NAALAD2: variants seen among roughly 807,000 people sequenced by gnomAD.
The protein encoded by NAALAD2 is N-acetylated-alpha-linked acidic dipeptidase 2.
Under a neutral mutation model 95.6 loss-of-function variants are expected in NAALAD2, and 89 were observed. The observed-to-expected ratio is 0.93, with a 90% CI of 0.78 to 1.11. The LOEUF is 1.11. Among genes scored for constraint, NAALAD2 ranks in the 50% least tolerant of loss-of-function variants. The pLI, the probability that NAALAD2 is intolerant of heterozygous loss-of-function variation, is 0.00. For missense variants in NAALAD2, 894 were observed against 872.4 expected, an observed-to-expected ratio of 1.02 and a Z score of -0.31; for synonymous variants, 264 against 294.4, an observed-to-expected ratio of 0.90 and a Z score of 1.06.
chr11:90,174,688 A>C (rs1952735218), intron 14 of NAALAD2, among the ~76,000 whole-genome samples: 1 of 151,862 alleles, frequency 6.6e-6, no homozygotes, highest in South Asian at 2.1e-4. Context: ...CATCTCATTC[A>C]TGCTACAGCA....
chr11:90,181,718 T>C lies in NAALAD2; in HGVS notation c.1940+17T>C, dbSNP rs755230135. ...TCTTAACAAGTAAGTTTCAAATCCC[T>C]TTTTTTTTAAAAAAAAAAAAAAAAG... is the stretch of plus-strand genomic sequence containing the variant. On this transcript the variant is annotated intron_variant, in intron 17 of 18. Transcript: ENST00000534061. 2.3e-6 allele frequency: 3 copies of C among 1,278,800 alleles called. No individual in the cohort carries two copies. The highest frequency in any genetic ancestry group is 2.3e-5 in the Admixed American group (1 of 42,776). 79.2% of individuals were successfully genotyped at this position (1,278,800 alleles called of 1,614,324 possible).
intron 12 of NAALAD2, 76 bp from the exon 13 acceptor site, chr11:90,169,988 TAGAAA>T: frequency 1.1e-6 from 1 of 890,494 alleles, no homozygotes; most frequent in South Asian, 1.4e-5. Flanking sequence ...TGTTTAAAAT[TAGAAA>T]ATAAAGTTAG....
At chr11:90,173,946 T>C in intron 14 of NAALAD2, 31 bp downstream of exon 14, 1 of 1,395,344 alleles carries the variant, frequency 7.2e-7, no homozygotes, top group Non-Finnish European at 1.0e-6. Context: ...TTTTCTACTG[T>C]AGGATAAGTT....
At position 90,177,939 on chromosome 11, in the gene NAALAD2, T is replaced by TA. The variant is rs1221515108; in HGVS notation, c.1686dup (p.Gln563ThrfsTer14). On this transcript the variant is annotated frameshift_variant, in exon 16 of 19. Transcript: ENST00000534061. LOFTEE classifies it high-confidence loss of function. ...TAGAGAAATTTTATGACCCCACATT[T>TA]AAAAAACAACTTTCTGTGGCTCAAT... 7 of 1,613,988 alleles carry TA rather than the reference T, an allele frequency of 4.3e-6. No individual in the cohort carries two copies. Among genetic ancestry groups the TA allele is most frequent in the Non-Finnish European group, 5.1e-6 (6 of 1,179,960 alleles).
intron 2 of NAALAD2, 101 bp downstream of exon 2, chr11:90,135,771 T>C (rs369155167): frequency 3.4e-6 from 3 of 879,916 alleles, no homozygotes; most frequent in East Asian, 5.5e-5. Context: ...GTCTTCTCTG[T>C]GTGAAATTAC....
At chr11:90,136,327 C>T (rs1405200350) in intron 2 of NAALAD2, among the ~76,000 whole-genome samples, 1 of 152,084 alleles carries the variant, frequency 6.6e-6, no homozygotes, top group East Asian at 1.9e-4. Context: ...TAAACTGCAT[C>T]CCTATAAAGC....
chr11:90,188,909 G>A (rs1681107871), intron 18 of NAALAD2, among the ~76,000 whole-genome samples: 1 of 152,024 alleles, frequency 6.6e-6, no homozygotes. Context: ...GCCTCCCAAA[G>A]ATCTCTATTT....
Position 90,139,721 on chromosome 11 carries a change from A to T in NAALAD2, c.194+4051A>T, listed in dbSNP as rs1479693039. Among the ~76,000 whole-genome samples the T allele has an allele frequency of 1.6e-4, 24 of 152,150 alleles. 1 individual carries two copies. Among genetic ancestry groups the T allele is most frequent in the Admixed American group, 1.6e-3 (24 of 15,258 alleles). ...AAATCACATTAATTAGAGTCTATAGATATGCCTTTCTTATAACAATCCTAC... is the reference window on the plus strand; with the variant it reads ...AAATCACATTAATTAGAGTCTATAGTTATGCCTTTCTTATAACAATCCTAC... On this transcript the variant is annotated intron_variant, in intron 2 of 18. Coordinates refer to ENST00000534061, the MANE Select transcript of NAALAD2 (RefSeq NM_005467.4).
At chr11:90,170,164 T>C (rs1455565258) in intron 13 of NAALAD2, 28 bp downstream of exon 13, 1 of 1,354,300 alleles carries the variant, frequency 7.4e-7, no homozygotes, top group Non-Finnish European at 1.1e-6. Context: ...TCTTCATATG[T>C]TCTCTTTTGA....
At position 90,191,100 on chromosome 11, in the gene NAALAD2, A is replaced by G. The variant is rs115092470; in HGVS notation, c.2034-458A>G. ...TGCCATTTGTAACACTTTGAAATACAGGCTTCTTTAATTACTTGTTTTTTA... is the reference window on the plus strand; with the variant it reads ...TGCCATTTGTAACACTTTGAAATACGGGCTTCTTTAATTACTTGTTTTTTA... On this transcript the variant is annotated intron_variant, in intron 18 of 18. Coordinates refer to ENST00000534061, the MANE Select transcript of NAALAD2 (RefSeq NM_005467.4). Among the ~76,000 whole-genome samples the G allele has an allele frequency of 6.6e-3, 999 of 152,246 alleles. 10 individuals are homozygous for G. The highest frequency in any genetic ancestry group is 0.023 in the African/African-American group (954 of 41,566).
chr11:90,131,755 A>G (rs893895816), upstream of NAALAD2: 7 of 152,166 alleles, frequency 4.6e-5, no homozygotes, highest in Admixed American at 3.9e-4. Flanking sequence ...TGCTTCTGCT[A>G]TGATGGAGAA....
At chr11:90,177,549 C>T (rs1256027910) in intron 15 of NAALAD2, among the ~76,000 whole-genome samples, 1 of 139,952 alleles carries the variant, frequency 7.1e-6, no homozygotes, top group South Asian at 2.3e-4. Flanking sequence ...TGTGGTAAAA[C>T]TCAGGGTGTT....
chr11:90,163,525 A>G lies in NAALAD2; in HGVS notation c.1196-10A>G. On this transcript the variant is annotated splice_polypyrimidine_tract_variant and intron_variant, in intron 10 of 18. Coordinates refer to ENST00000534061, the MANE Select transcript of NAALAD2 (RefSeq NM_005467.4). ...TTGTACCTAACCACGTGTGTTAACA[A>G]TTCTTACAGGCTGGAGACCTAGAAG... 1.2e-6 allele frequency: 2 copies of G among 1,613,680 alleles called. No homozygotes were observed. The highest frequency in any genetic ancestry group is 1.7e-6 in the Non-Finnish European group (2 of 1,179,842).
intron 6 of NAALAD2, among the ~76,000 whole-genome samples, chr11:90,156,605 A>G (rs1235891986): frequency 6.6e-6 from 1 of 151,770 alleles, no homozygotes; most frequent in Non-Finnish European, 1.5e-5. Context: ...ACAAGATTCC[A>G]CTCTGTCACC....
At chr11:90,147,136 A>G (rs1951767105) in intron 2 of NAALAD2, among the ~76,000 whole-genome samples, 194 bp from the exon 3 acceptor site, 1 of 152,176 alleles carries the variant, frequency 6.6e-6, no homozygotes, top group Non-Finnish European at 1.5e-5. Context: ...CATAATATGA[A>G]AACTGCAGTT....
intron 6 of NAALAD2, among the ~76,000 whole-genome samples, chr11:90,157,443 C>A (rs1371909847): frequency 6.6e-6 from 1 of 152,028 alleles, no homozygotes; most frequent in Non-Finnish European, 1.5e-5. Flanking sequence ...AGATGTTTCT[C>A]ATTTTTTCCC....
upstream of NAALAD2, chr11:90,132,314 C>T (rs1951364470): frequency 6.6e-6 from 1 of 152,298 alleles, no homozygotes; most frequent in Non-Finnish European, 1.5e-5. Flanking sequence ...ACTCAAACTT[C>T]AATTAGCAAT....
At chr11:90,140,826 A>G (rs554410958) in intron 2 of NAALAD2, among the ~76,000 whole-genome samples, 29 of 152,096 alleles carry the variant, frequency 1.9e-4, no homozygotes, top group African/African-American at 7.0e-4. Flanking sequence ...TTTTTCCCCC[A>G]GAGATTTATA....
intron 18 of NAALAD2, among the ~76,000 whole-genome samples, chr11:90,183,994 A>C (rs1403522142): frequency 2.0e-5 from 3 of 151,986 alleles, no homozygotes; most frequent in Non-Finnish European, 2.9e-5. Flanking sequence ...CCATTTTCTC[A>C]AGGTCCTTCT....
Sources: allele counts gnomAD v4.1 joint callset (sites outside exome capture counted in the v4.1 genomes callset), GRCh38; gene constraint gnomAD v4.1.1; transcripts MANE v1.5; gene names NCBI Gene and HGNC (gene_info 2026-07-23, HGNC 2026-07-21).